The following ABTB2 variants were observed in gnomAD, a reference collection of about 807,000 sequenced individuals.
The protein encoded by ABTB2 is ankyrin repeat and BTB/POZ domain-containing protein 2.
Under a neutral mutation model 104.1 loss-of-function variants are expected in ABTB2, and 56 were observed. The observed-to-expected ratio is 0.54, with a 90% CI of 0.43 to 0.67. The LOEUF is 0.67. ABTB2 is among the 30% of genes least tolerant of loss of function. The pLI is 0.00. For missense variants in ABTB2, 1,279 were observed against 1,407.7 expected (o/e 0.91, Z 1.46); for synonymous variants, 606 against 608.2 (o/e 1.00, Z 0.05).
intron 4 of ABTB2, among the ~76,000 whole-genome samples, chr11:34,172,668 T>C (rs1852900202): frequency 1.3e-5 from 2 of 152,000 alleles, no homozygotes; most frequent in Admixed American, 1.3e-4. Context: ...CAAGCTACTG[T>C]TCCCCTCTGA....
At chr11:34,300,962 G>A (rs1185279932) in intron 1 of ABTB2, among the ~76,000 whole-genome samples, 5 of 152,202 alleles carry the variant, frequency 3.3e-5, no homozygotes, top group Non-Finnish European at 1.5e-5. Context: ...GGGCAGAGGA[G>A]GATCCATCTA....
At chr11:34,234,231 A>C (rs1449669505) in intron 1 of ABTB2, among the ~76,000 whole-genome samples, 1 of 152,140 alleles carries the variant, frequency 6.6e-6, no homozygotes, top group African/African-American at 2.4e-5. Context: ...AGTCACTCAG[A>C]TGAGCTTCCG....
chr11:34,252,595 G>A lies in ABTB2; in HGVS notation c.884-47905C>T, dbSNP rs1049333200. Among the ~76,000 whole-genome samples, 1 of 152,166 alleles carries A rather than the reference G, an allele frequency of 6.6e-6. No individual in the cohort carries two copies. Among genetic ancestry groups the A allele is most frequent in the African/African-American group, 2.4e-5 (1 of 41,426 alleles). The stretch of plus-strand genomic sequence containing the variant: ...GGAGAGCAGGGAGAGAGAATGGGGG[G>A]AAGGGTGGGGCCAGGAGGGGGATTG... On this transcript the variant is annotated intron_variant, in intron 1 of 16. Coordinates refer to ENST00000435224, the MANE Select transcript of ABTB2 (RefSeq NM_145804.3). The surrounding 1 kb of genome is among the most constrained non-coding windows in gnomAD (Gnocchi z 5.5).
intron 1 of ABTB2, chr11:34,335,387 A>G: frequency 1.2e-6 from 1 of 831,718 alleles, no homozygotes; most frequent in African/African-American, 1.6e-5. Context: ...CCTTAGCAAC[A>G]TTGATGAACT....
intron 1 of ABTB2, among the ~76,000 whole-genome samples, chr11:34,224,921 C>T (rs886472852): frequency 4.6e-5 from 7 of 152,116 alleles, no homozygotes; most frequent in South Asian, 4.1e-4. Flanking sequence ...CTTCACACTT[C>T]CTTCTTGCTG....
intron 1 of ABTB2, among the ~76,000 whole-genome samples, chr11:34,253,966 G>A (rs772433928): frequency 1.8e-4 from 27 of 152,130 alleles, no homozygotes; most frequent in Admixed American, 8.5e-4. Context: ...CAGGTGGACC[G>A]TGAGAGCACT....
At chr11:34,270,682 G>A (rs1854303891) in intron 1 of ABTB2, among the ~76,000 whole-genome samples, 1 of 152,164 alleles carries the variant, frequency 6.6e-6, no homozygotes, top group Non-Finnish European at 1.5e-5. Context: ...ACAACCAGAT[G>A]CTCTTGGGGA....
chr11:34,248,951 A>G (rs1854019851), intron 1 of ABTB2, among the ~76,000 whole-genome samples: 1 of 152,158 alleles, frequency 6.6e-6, no homozygotes, highest in African/African-American at 2.4e-5. Context: ...ACCAAAATGG[A>G]GAAACCCTGT....
At chr11:34,338,774 T>G (rs1298046191) in intron 1 of ABTB2, among the ~76,000 whole-genome samples, 1 of 152,192 alleles carries the variant, frequency 6.6e-6, no homozygotes, top group African/African-American at 2.4e-5. Context: ...CAGGGTGGGT[T>G]CCAGAATACT....
intron 1 of ABTB2, among the ~76,000 whole-genome samples, chr11:34,355,145 C>G (rs1855450365): frequency 6.6e-6 from 1 of 152,222 alleles, no homozygotes. Flanking sequence ...CCAATAATGT[C>G]AAAGTAAGCC....
At chr11:34,214,987 C>T (rs752005723) in intron 1 of ABTB2, among the ~76,000 whole-genome samples, 3 of 152,150 alleles carry the variant, frequency 2.0e-5, no homozygotes, top group Non-Finnish European at 4.4e-5. Context: ...TGTCTGCATG[C>T]CTCATTCCAA....
chr11:34,258,136 C>T (rs1301665441), intron 1 of ABTB2, among the ~76,000 whole-genome samples: 1 of 152,124 alleles, frequency 6.6e-6, no homozygotes, highest in African/African-American at 2.4e-5. Context: ...CTGTGTTGTC[C>T]CCATAGAAAT....
chr11:34,294,807 C>T (rs1004480188), intron 1 of ABTB2, among the ~76,000 whole-genome samples: 4 of 151,952 alleles, frequency 2.6e-5, no homozygotes, highest in African/African-American at 9.7e-5. Context: ...CTCCACCTCC[C>T]GGGTTCAAGT....
intron 3 of ABTB2, among the ~76,000 whole-genome samples, chr11:34,173,814 C>CAGGT (rs1445544750): frequency 1.2e-4 from 19 of 152,238 alleles, no homozygotes; most frequent in African/African-American, 4.6e-4. Flanking sequence ...CCAGCAGGGT[C>CAGGT]AGGTCACCAT....
intron 3 of ABTB2, among the ~76,000 whole-genome samples, chr11:34,187,205 C>G (rs570719983): frequency 1.9e-4 from 29 of 152,306 alleles, no homozygotes; most frequent in African/African-American, 6.7e-4. Context: ...GCTTCCAGCC[C>G]ACGTAAAGAT....
chr11:34,346,634 GCA>G (rs1855335755), intron 1 of ABTB2, among the ~76,000 whole-genome samples: 3 of 152,282 alleles, frequency 2.0e-5, no homozygotes, highest in South Asian at 4.1e-4. Flanking sequence ...GAAAATGACT[GCA>G]CAGTGTCCAT....
At chr11:34,179,466 A>G (rs2957492) in intron 3 of ABTB2, among the ~76,000 whole-genome samples, 71,063 of 152,048 alleles carry the variant, frequency 0.47, 17,305 homozygotes, top group Non-Finnish European at 0.54. Context: ...GCGCTGGCAC[A>G]GAGCTGGCAT....
At chr11:34,339,440 A>G (rs1458989936) in intron 1 of ABTB2, among the ~76,000 whole-genome samples, 1 of 152,164 alleles carries the variant, frequency 6.6e-6, no homozygotes, top group African/African-American at 2.4e-5. Context: ...CAAAGCAACT[A>G]TTTGGCAAGA....
chr11:34,210,652 G>C (rs1853469411), intron 1 of ABTB2, among the ~76,000 whole-genome samples: 1 of 152,144 alleles, frequency 6.6e-6, no homozygotes, highest in African/African-American at 2.4e-5. Flanking sequence ...TACCATTTCT[G>C]CACCTGCCAC....
Sources: allele counts gnomAD v4.1 joint callset (sites outside exome capture counted in the v4.1 genomes callset), GRCh38; gene constraint gnomAD v4.1.1; non-coding constraint Gnocchi (gnomAD v3.1); transcripts MANE v1.5; gene names NCBI Gene and HGNC (gene_info 2026-07-23, HGNC 2026-07-21).